Variants in ZNF195 observed in about 807,000 individuals in gnomAD.
ZNF195 encodes zinc finger protein 195, also known as hypoxia-regulated factor-1.
In ZNF195, 11 loss-of-function variants were observed where a neutral mutation model predicts 19.5. The observed-to-expected ratio is 0.57, with a 90% confidence interval of 0.36 to 0.94. ZNF195 has a LOEUF of 0.94. Among genes scored for constraint, ZNF195 ranks in the 40% least tolerant of loss-of-function variants. The probability of loss-of-function intolerance (pLI) is 0.01; values close to 1 mark genes in which losing one functional copy is unlikely to be tolerated. For synonymous variants in ZNF195, 214 were observed against 248.1 expected, an observed-to-expected ratio of 0.86 and a Z score of 1.29; for missense variants, 582 against 709.0, an observed-to-expected ratio of 0.82 and a Z score of 2.03.
chr11:3,364,979 C>A (rs958306887), intron 3 of ZNF195, among the ~76,000 whole-genome samples: 1 of 152,116 alleles, frequency 6.6e-6, no homozygotes, highest in Admixed American at 6.5e-5. Flanking sequence ...CAATTAGTAA[C>A]CACAATCAGG....
intron 1 of ZNF195, among the ~76,000 whole-genome samples, chr11:3,374,195 A>G (rs1446509248): frequency 2.0e-5 from 3 of 152,260 alleles, no homozygotes; most frequent in Non-Finnish European, 4.4e-5. Context: ...TTCAATGTGC[A>G]TATGAATCTT....
At chr11:3,373,485 C>T (rs2133729310) in intron 1 of ZNF195, 2 of 988,888 alleles carry the variant, frequency 2.0e-6, no homozygotes, top group Non-Finnish European at 3.1e-6. Flanking sequence ...TGGAGAAACA[C>T]CACAAGTAGA....
chr11:3,364,355 G>A (rs1362999968), intron 3 of ZNF195, among the ~76,000 whole-genome samples: 2 of 152,094 alleles, frequency 1.3e-5, no homozygotes, highest in Non-Finnish European at 2.9e-5. Context: ...AATGATGCTA[G>A]ACAGCATTAT....
intron 3 of ZNF195, among the ~76,000 whole-genome samples, chr11:3,364,785 C>T (rs930025524): frequency 1.8e-4 from 28 of 152,240 alleles, no homozygotes; most frequent in African/African-American, 6.3e-4. Flanking sequence ...ACACAGAAAA[C>T]AGTAACAATC....
chr11:3,366,162 G>A (rs575708021), intron 3 of ZNF195, among the ~76,000 whole-genome samples: 115 of 150,512 alleles, frequency 7.6e-4, no homozygotes, highest in Non-Finnish European at 1.5e-3. Flanking sequence ...TACTCAGGAG[G>A]CTGAGGCAGG....
In ZNF195 at chr11:3,358,757, A is replaced by C; in HGVS notation, c.*361T>G. The C allele has an allele frequency of 5.0e-6, 1 of 201,992 alleles. No homozygotes were observed. Among genetic ancestry groups the C allele is most frequent in the South Asian group, 1.5e-4 (1 of 6,632 alleles). 12.5% of individuals were successfully genotyped at this position (201,992 alleles called of 1,614,324 possible). On this transcript the variant is annotated 3_prime_UTR_variant, in exon 6 of 6. Coordinates refer to ENST00000399602, the MANE Select transcript of ZNF195 (RefSeq NM_001130520.3). ...ACACAGGGATTCAGTGTCATTTCTGAACGTGTCCTTGCTTATTTTTCCCAT... is the reference window on the plus strand; with the variant it reads ...ACACAGGGATTCAGTGTCATTTCTGCACGTGTCCTTGCTTATTTTTCCCAT...
rs766432667 is a variant in ZNF195, at chr11:3,359,858, A to G, written c.1150T>C (p.Cys384Arg). The G allele has an allele frequency of 6.2e-7, 1 of 1,614,140 alleles. No homozygotes were observed. The highest frequency in any genetic ancestry group is 8.5e-7 in the Non-Finnish European group (1 of 1,180,018). ...TTAAAACCTTTGTACCATGTTTCACATTTGGAGAGCTTCTCTCCAGCAAGA... is the reference window on the plus strand; with the variant it reads ...TTAAAACCTTTGTACCATGTTTCACGTTTGGAGAGCTTCTCTCCAGCAAGA... Reference protein sequence around the residue: ...MILAGEKLSKCETWYKGFNHS... With the variant: ...MILAGEKLSKRETWYKGFNHS... Residue 384 changes from cysteine to arginine, a missense_variant, in exon 6 of 6, where the codon TGT (cysteine) becomes CGT (arginine). Physicochemically the swap from Cys to Arg is radical, Grantham distance 180. This residue lies in a region of ZNF195 where 407 missense variants were observed against 530.5 expected (regional missense o/e 0.77). Transcript: ENST00000399602. This position sits in a 1 kb window ranked among gnomAD's most constrained non-coding sequence, Gnocchi z 5.5.
rs191291325 is a variant in ZNF195 at position 3,376,855 on chromosome 11, G to T, written c.3+2183C>A. Among the ~76,000 whole-genome samples the T allele has an allele frequency of 4.6e-5, 7 of 152,290 alleles. No individual in the cohort carries two copies. In the East Asian group the frequency reaches 1.4e-3, roughly 29 times the overall value. On this transcript the variant is annotated intron_variant, in intron 1 of 5. Coordinates refer to ENST00000399602, the MANE Select transcript of ZNF195 (RefSeq NM_001130520.3). ...ATACTCATGACAACAAATTCATCCT[G>T]CAAAAAGAGCTCATGTTCTGATGAA...
chr11:3,367,723 G>A (rs568020624), intron 3 of ZNF195, among the ~76,000 whole-genome samples: 1 of 152,028 alleles, frequency 6.6e-6, no homozygotes, highest in South Asian at 2.1e-4. Context: ...AAACATCTGG[G>A]AATAAATCAT....
At position 3,358,341 on chromosome 11, in the gene ZNF195, C is replaced by T. The variant is rs1451891356; in HGVS notation, c.*777G>A. ...TAACAGAAGAGTATTATTCTAAACACCTATCTCATAAATCACTTACAAGTA... is the reference window on the plus strand; with the variant it reads ...TAACAGAAGAGTATTATTCTAAACATCTATCTCATAAATCACTTACAAGTA... On this transcript the variant is annotated 3_prime_UTR_variant, in exon 6 of 6. Coordinates refer to ENST00000399602, the MANE Select transcript of ZNF195 (RefSeq NM_001130520.3). 1 of 152,116 alleles carries T rather than the reference C, an allele frequency of 6.6e-6. No homozygotes were observed. The highest frequency in any genetic ancestry group is 2.4e-5 in the African/African-American group (1 of 41,404). 9.4% of individuals were successfully genotyped at this position (152,116 alleles called of 1,614,324 possible).
In ZNF195 at chr11:3,360,248, G is replaced by C; in HGVS notation, c.760C>G (p.Gln254Glu). 6.2e-7 allele frequency: 1 copy of C among 1,613,832 alleles called. No homozygotes were observed. Among genetic ancestry groups the C allele is most frequent in the African/African-American group, 1.3e-5 (1 of 74,990 alleles). The part of the protein sequence containing the change: ...FKCQECGKSF[Q>E]MLSFLTEHQK... ...TGTTCAGTTAGGAATGAGAGCATTT[G>C]AAAGGATTTGCCACATTCTTGACAT... Residue 254 changes from glutamine to glutamate, a missense_variant, in exon 6 of 6, where the codon CAA becomes GAA. Coordinates refer to ENST00000399602, the MANE Select transcript of ZNF195 (RefSeq NM_001130520.3).
At chr11:3,370,170 TATATATACACACATATATG>T (rs1849125598) in intron 3 of ZNF195, among the ~76,000 whole-genome samples, 1 of 152,008 alleles carries the variant, frequency 6.6e-6, no homozygotes, top group Non-Finnish European at 1.5e-5. Flanking sequence ...GTTGATATAT[TATATATACACACATATATG>T]ATATATACAC....
chr11:3,368,389 C>T (rs1036916705), intron 3 of ZNF195, among the ~76,000 whole-genome samples: 36 of 152,318 alleles, frequency 2.4e-4, no homozygotes, highest in Non-Finnish European at 1.8e-4. Flanking sequence ...GAGAGGCTCA[C>T]TTCAGGCCAG....
chr11:3,359,612 A>G lies in ZNF195; in HGVS notation c.1396T>C (p.Tyr466His). Residue 466 changes from tyrosine (Y) to histidine (H), a missense_variant, in exon 6 of 6, where the codon TAC becomes CAC. Tyr to His is a moderately conservative substitution (Grantham distance 83). Around this residue, in one of 3 missense-constraint regions of ZNF195, gnomAD observed 407 missense variants for 530.5 expected, o/e 0.77. Transcript: ENST00000399602. This position sits in a 1 kb window ranked among gnomAD's most constrained non-coding sequence, Gnocchi z 5.5. ...HRRIHTGEKP[Y>H]QCEECGKVFR... is the part of the protein sequence containing the mutation. Reference sequence around the variant, plus strand: ...ACCTTCCCACATTCTTCACATTGGTAGGGTTTCTCTCCGGTGTGAATCCTC... The same window carrying G: ...ACCTTCCCACATTCTTCACATTGGTGGGGTTTCTCTCCGGTGTGAATCCTC... The G allele has an allele frequency of 6.2e-7, 1 of 1,614,174 alleles. No individual in the cohort carries two copies. Among genetic ancestry groups the G allele is most frequent in the Non-Finnish European group, 8.5e-7 (1 of 1,180,032 alleles).
chr11:3,364,503 A>G (rs1848773045), intron 3 of ZNF195, among the ~76,000 whole-genome samples: 1 of 151,912 alleles, frequency 6.6e-6, no homozygotes, highest in Admixed American at 6.6e-5. Context: ...CTTTGCTACC[A>G]GACACAAAAT....
At chr11:3,361,677 G>C in intron 4 of ZNF195, 66 bp downstream of exon 4, 1 of 1,275,598 alleles carries the variant, frequency 7.8e-7, no homozygotes. Flanking sequence ...AGTTTCCAAA[G>C]TCAAAGGAGA....
At chr11:3,378,396 C>G (rs1192949483) in intron 1 of ZNF195, among the ~76,000 whole-genome samples, 1 of 151,920 alleles carries the variant, frequency 6.6e-6, no homozygotes, top group Non-Finnish European at 1.5e-5. Context: ...AAATCTAACT[C>G]AGATGCGTTT....
At chr11:3,373,438 A>C (rs886600829) in intron 1 of ZNF195, 2 of 705,014 alleles carry the variant, frequency 2.8e-6, no homozygotes, top group African/African-American at 3.6e-5. Context: ...ACCCTTCATT[A>C]TTATAAGAAA....
chr11:3,372,541 T>C (rs1849259657), intron 1 of ZNF195, among the ~76,000 whole-genome samples: 1 of 152,116 alleles, frequency 6.6e-6, no homozygotes, highest in Non-Finnish European at 1.5e-5. Flanking sequence ...TTATGCAAAG[T>C]TCAAGAGACA....
Sources: gnomAD v4.1 joint callset for allele counts (sites outside exome capture counted in the v4.1 genomes callset) on GRCh38, gnomAD v4.1.1 for gene constraint, gnomAD v4.1.1 regional missense constraint, Gnocchi (gnomAD v3.1) non-coding constraint, MANE v1.5 for transcripts, NCBI Gene and HGNC (gene_info 2026-07-23, HGNC 2026-07-21) for gene names.